The following NEXN variants were observed in gnomAD, a reference collection of about 807,000 sequenced individuals.
NEXN encodes nexilin F-actin binding protein, also known as nexilin.
In NEXN, 65 loss-of-function variants were observed where a neutral mutation model predicts 92.6. The ratio of observed to expected loss-of-function variants is 0.70; its 90% CI spans 0.57 to 0.86. The LOEUF (loss-of-function observed/expected upper bound fraction) is 0.86. NEXN is among the 40% of genes least tolerant of loss of function. The pLI, the probability that NEXN is intolerant of heterozygous loss-of-function variation, is 0.00. For synonymous variants in NEXN, 254 were observed against 242.5 expected (o/e 1.05, Z -0.44); for missense variants, 778 against 771.1 (o/e 1.01, Z -0.11).
chr1:77,931,457 A>C (rs1339608225), intron 9 of NEXN, among the ~76,000 whole-genome samples: 1 of 149,916 alleles, frequency 6.7e-6, no homozygotes, highest in Non-Finnish European at 1.5e-5. Flanking sequence ...GGTAGAAGAG[A>C]AGTAACTGTG....
chr1:77,907,351 C>T (rs973496392), intron 1 of NEXN, among the ~76,000 whole-genome samples: 2 of 152,334 alleles, frequency 1.3e-5, no homozygotes, highest in Non-Finnish European at 2.9e-5. Context: ...TATGTATTTA[C>T]AGTGTCTACG....
chr1:77,932,845 C>T (rs1268911473), intron 9 of NEXN, among the ~76,000 whole-genome samples: 1 of 152,112 alleles, frequency 6.6e-6, no homozygotes, highest in African/African-American at 2.4e-5. Context: ...GTTAAGTCCC[C>T]TTGTTTTTTG....
At chr1:77,939,001 G>A (rs1183500317) in intron 11 of NEXN, among the ~76,000 whole-genome samples, 3 of 152,210 alleles carry the variant, frequency 2.0e-5, no homozygotes, top group African/African-American at 7.2e-5. Context: ...TTAGGTCAGA[G>A]TAATAAAATA....
intron 1 of NEXN, among the ~76,000 whole-genome samples, chr1:77,900,942 A>G (rs1432503649): frequency 1.3e-5 from 2 of 152,222 alleles, no homozygotes; most frequent in African/African-American, 4.8e-5. Flanking sequence ...ACTTAACGCT[A>G]GAAGAAGAAA....
chr1:77,898,413 G>C (rs1417351793), intron 1 of NEXN, among the ~76,000 whole-genome samples: 1 of 152,152 alleles, frequency 6.6e-6, no homozygotes, highest in East Asian at 1.9e-4. Context: ...AATGGGGAAA[G>C]GATTCCCTAT....
At chr1:77,890,153 G>GT (rs1160480763) in intron 1 of NEXN, among the ~76,000 whole-genome samples, 1 of 152,108 alleles carries the variant, frequency 6.6e-6, no homozygotes, top group Non-Finnish European at 1.5e-5. Flanking sequence ...CAATGTAGCT[G>GT]TTTAAGTTTC....
In NEXN at chr1:77,926,411, T is replaced by C; in HGVS notation, c.490-3T>C. 6.3e-7 allele frequency: 1 copy of C among 1,581,694 alleles called. No individual in the cohort carries two copies. On this transcript the variant is annotated splice_region_variant and splice_polypyrimidine_tract_variant and intron_variant, in intron 6 of 12. Transcript: ENST00000334785. ...TAGGCTAATTATCTATTTTATAAAA[T>C]AGGAAGGAGATGATTCACTACTTAT...
intron 1 of NEXN, among the ~76,000 whole-genome samples, chr1:77,907,369 G>A (rs72685344): frequency 0.027 from 4,127 of 152,284 alleles, 99 homozygotes; most frequent in South Asian, 0.11. Context: ...ACGTAATTAT[G>A]AAGTTTTTTC....
At chr1:77,932,790 T>A (rs1482690448) in intron 9 of NEXN, among the ~76,000 whole-genome samples, 1 of 152,210 alleles carries the variant, frequency 6.6e-6, no homozygotes, top group Non-Finnish European at 1.5e-5. Context: ...TCTTCCCTTT[T>A]ATTTATTTAT....
At chr1:77,941,117 C>T (rs960166307) in intron 11 of NEXN, among the ~76,000 whole-genome samples, 1 of 152,136 alleles carries the variant, frequency 6.6e-6, no homozygotes, top group Non-Finnish European at 1.5e-5. Context: ...AATTAAACTG[C>T]TTGTTTCAAA....
chr1:77,936,143 T>C, intron 11 of NEXN, 99 bp downstream of exon 11: 1 of 853,362 alleles, frequency 1.2e-6, no homozygotes, highest in South Asian at 1.6e-5. Context: ...TACTTAAAAT[T>C]AATCATTGGT....
At chr1:77,920,191 C>T (rs978001688) in intron 5 of NEXN, among the ~76,000 whole-genome samples, 13 of 152,070 alleles carry the variant, frequency 8.5e-5, no homozygotes, top group African/African-American at 3.1e-4. Context: ...CCACCGCACC[C>T]GGCCTAGTAA....
chr1:77,893,665 A>G (rs552898500), intron 1 of NEXN, among the ~76,000 whole-genome samples: 1 of 152,240 alleles, frequency 6.6e-6, no homozygotes, highest in African/African-American at 2.4e-5. Context: ...CGAAACACTA[A>G]AACTATAGAG....
intron 8 of NEXN, 83 bp from the exon 9 acceptor site, chr1:77,929,233 C>A: frequency 2.0e-6 from 2 of 985,022 alleles, no homozygotes; most frequent in Non-Finnish European, 3.2e-6. Flanking sequence ...GTGATAGTGG[C>A]TAATTCTGTG....
chr1:77,921,783 T>C (rs1649439100), intron 5 of NEXN, among the ~76,000 whole-genome samples: 1 of 152,026 alleles, frequency 6.6e-6, no homozygotes, highest in Non-Finnish European at 1.5e-5. Context: ...TGGTGGCGCA[T>C]GTCTGCAGTC....
chr1:77,918,396 G>A (rs991576765), intron 5 of NEXN, 123 bp downstream of exon 5: 27 of 1,145,718 alleles, frequency 2.4e-5, no homozygotes, highest in African/African-American at 1.7e-4. Context: ...GCAGCTAACC[G>A]TCTGGGAATG....
intron 9 of NEXN, among the ~76,000 whole-genome samples, chr1:77,931,222 C>T (rs1215559710): frequency 2.0e-5 from 2 of 98,346 alleles, no homozygotes; most frequent in Non-Finnish European, 3.8e-5. Context: ...CCCGTCTCTA[C>T]TAAAAATACA....
Position 77,925,185 on chromosome 1 carries a change from T to C in NEXN, c.448-3T>C. ...GTAATGATATGAAATTCTCATTCAA[T>C]AGATTGAGGACATAAACAATACGGG... On this transcript the variant is annotated splice_region_variant and splice_polypyrimidine_tract_variant and intron_variant, in intron 5 of 12. Transcript: ENST00000334785. 1 of 1,587,580 alleles carries C rather than the reference T, an allele frequency of 6.3e-7. No individual in the cohort carries two copies. Among genetic ancestry groups the C allele is most frequent in the African/African-American group, 1.3e-5 (1 of 74,570 alleles).
intron 1 of NEXN, among the ~76,000 whole-genome samples, chr1:77,901,067 A>G (rs1399673171): frequency 6.6e-6 from 1 of 152,212 alleles, no homozygotes. Context: ...TAGAATGAGA[A>G]CTTGATATGA....
Sources: allele counts gnomAD v4.1 joint callset (sites outside exome capture counted in the v4.1 genomes callset), GRCh38; gene constraint gnomAD v4.1.1; transcripts MANE v1.5; gene names NCBI Gene and HGNC (gene_info 2026-07-23, HGNC 2026-07-21).